Variants in GAPVD1 observed in about 807,000 individuals in gnomAD.
The protein encoded by GAPVD1 is GTPase-activating protein and VPS9 domain-containing protein 1.
Under a neutral mutation model 155.5 loss-of-function variants are expected in GAPVD1, and 35 were observed. That is an observed-to-expected ratio of 0.23 (90% CI 0.17 to 0.30). GAPVD1 has a LOEUF of 0.30. GAPVD1 is among the 10% of genes least tolerant of loss of function. GAPVD1 has a pLI of 1.00. For missense variants in GAPVD1, 1,429 were observed against 1,775.7 expected (o/e 0.80, Z 3.51); for synonymous variants, 636 against 619.7 (o/e 1.03, Z -0.39).
In GAPVD1 at chr9:125,354,810, CAAAGA is replaced by C; in HGVS notation, c.3733_3737del (p.Lys1245AspfsTer15). The C allele has an allele frequency of 6.2e-7, 1 of 1,613,586 alleles. No homozygotes were observed. Among genetic ancestry groups the C allele is most frequent in the Non-Finnish European group, 8.5e-7 (1 of 1,179,552 alleles). ...TCTGTGTGAGATTACTGCTTGAGAG[CAAAGA>C]AAAGAAGATCAGGGAATTCATTCAA... is the stretch of plus-strand genomic sequence containing the variant. On this transcript the variant is annotated frameshift_variant, in exon 24 of 28. Transcript: ENST00000297933. LOFTEE classifies it high-confidence loss of function.
At chr9:125,287,217 T>C (rs891750447) in intron 2 of GAPVD1, among the ~76,000 whole-genome samples, 6 of 151,806 alleles carry the variant, frequency 4.0e-5, no homozygotes, top group African/African-American at 7.3e-5. Context: ...GGGCCAGATA[T>C]AAATATAGAA....
chr9:125,356,004 T>C (rs1850026994), intron 25 of GAPVD1, 147 bp downstream of exon 25: 2 of 622,932 alleles, frequency 3.2e-6, no homozygotes, highest in Non-Finnish European at 2.9e-6. Context: ...CAGAGTTACA[T>C]GATCACAAAG....
chr9:125,354,509 T>C (rs1288170490), intron 23 of GAPVD1, 145 bp from the exon 24 acceptor site: 1 of 550,432 alleles, frequency 1.8e-6, no homozygotes, highest in Admixed American at 3.0e-5. Context: ...ACTTTGTATA[T>C]GTGCTACTGA....
chr9:125,351,627 A>G lies in GAPVD1; in HGVS notation c.3569+755A>G, dbSNP rs540862099. ...AACAAAGGGGCTACAGGCCCCATCC[A>G]AGTCTGAAATCCAGCAGGGCAGTCA... is the stretch of plus-strand genomic sequence containing the variant. On this transcript the variant is annotated intron_variant, in intron 23 of 27. Transcript: ENST00000297933. 4.6e-5 allele frequency among the ~76,000 whole-genome samples: 7 copies of G among 152,358 alleles called. No homozygotes were observed. In the East Asian group the frequency reaches 1.4e-3, roughly 29 times the overall value.
At chr9:125,355,125 T>A (rs1331121276) in intron 24 of GAPVD1, among the ~76,000 whole-genome samples, 3 of 152,208 alleles carry the variant, frequency 2.0e-5, no homozygotes, top group African/African-American at 7.2e-5. Flanking sequence ...ATATTTTTTT[T>A]AGAAACTTTT....
chr9:125,358,743 A>G (rs1315791019), intron 25 of GAPVD1, among the ~76,000 whole-genome samples: 1 of 152,216 alleles, frequency 6.6e-6, no homozygotes, highest in Non-Finnish European at 1.5e-5. Context: ...TCTCCAGAGC[A>G]CTAGTTTTTG....
At position 125,334,271 on chromosome 9, in the gene GAPVD1, A is replaced by T. The variant is rs964311117; in HGVS notation, c.2428+1642A>T. On this transcript the variant is annotated intron_variant, in intron 15 of 27. Transcript: ENST00000297933. ...CACACTGTATTCTTCACTCACAGTT[A>T]AAAAAAAAAAAAAAAAAAAAAGTTT... Among the ~76,000 whole-genome samples the T allele has an allele frequency of 1.3e-4, 15 of 117,406 alleles. No individual in the cohort carries two copies. The East Asian group carries it at 3.6e-3, about 28-fold the overall frequency. 77.0% of individuals were successfully genotyped at this position (117,406 alleles called of 152,430 possible). A position where few individuals can be genotyped will look rare whatever the true frequency, so the allele number is the denominator to read the frequency against.
At chr9:125,285,564 G>C (rs890868373) in intron 2 of GAPVD1, among the ~76,000 whole-genome samples, 2 of 149,014 alleles carry the variant, frequency 1.3e-5, no homozygotes, top group African/African-American at 5.0e-5. Context: ...GGTTCAAGTG[G>C]TTCTCTTGCC....
chr9:125,284,805 G>C lies in GAPVD1; in HGVS notation c.-149-10653G>C, dbSNP rs1213103750. ...TCTGGGCTACAAACCTGTATAGCAT[G>C]TTACTGTACTGAATACTCTAGGCAA... On this transcript the variant is annotated intron_variant, in intron 2 of 27. Coordinates refer to ENST00000297933, the MANE Select transcript of GAPVD1 (RefSeq NM_001282680.3). 2.0e-5 allele frequency among the ~76,000 whole-genome samples: 3 copies of C among 152,182 alleles called. No individual in the cohort carries two copies. In the East Asian group the frequency reaches 5.8e-4, roughly 29 times the overall value.
chr9:125,315,548 G>C (rs1346182533), intron 9 of GAPVD1, among the ~76,000 whole-genome samples: 1 of 152,104 alleles, frequency 6.6e-6, no homozygotes, highest in African/African-American at 2.4e-5. Context: ...TGTCTGGTAG[G>C]TCCTGAAAGA....
At chr9:125,263,439 C>G (rs981071531) in intron 1 of GAPVD1, 19 of 534,758 alleles carry the variant, frequency 3.6e-5, no homozygotes, top group Admixed American at 1.9e-4. Context: ...CAGAGCGAGA[C>G]TCCGTCTCAA....
intron 2 of GAPVD1, among the ~76,000 whole-genome samples, chr9:125,294,871 A>C (rs1415419261): frequency 6.6e-6 from 1 of 152,044 alleles, no homozygotes; most frequent in African/African-American, 2.4e-5. Flanking sequence ...AGCCAAATAA[A>C]GTTCTATAAA....
At position 125,332,492 on chromosome 9, in the gene GAPVD1, T is replaced by TA. The variant is rs1435805280; in HGVS notation, c.2309-17dup. The TA allele has an allele frequency of 2.6e-6, 4 of 1,551,458 alleles. No individual in the cohort carries two copies. The African/African-American group carries it at 5.5e-5, about 22-fold the overall frequency. On this transcript the variant is annotated splice_polypyrimidine_tract_variant and intron_variant, in intron 14 of 27. Coordinates refer to ENST00000297933, the MANE Select transcript of GAPVD1 (RefSeq NM_001282680.3). ...TTTGTTCTTCTTCCTGTTTATTTTT[T>TA]ACTATTGTTTTTTAAAGGCATAAGT...
chr9:125,329,729 A>G (rs955411651), intron 12 of GAPVD1, among the ~76,000 whole-genome samples: 1 of 151,840 alleles, frequency 6.6e-6, no homozygotes, highest in Non-Finnish European at 1.5e-5. Context: ...TTGGAGGGCA[A>G]TGGCATGACC....
At chr9:125,269,710 CTTTTTTTTTT>C (rs951306489) in intron 2 of GAPVD1, among the ~76,000 whole-genome samples, 2 of 52,688 alleles carry the variant, frequency 3.8e-5, no homozygotes, top group South Asian at 6.3e-4. Context: ...CCATGCCTGG[CTTTTTTTTTT>C]TTTTTTTTTT....
chr9:125,274,843 G>C (rs1835505704), intron 2 of GAPVD1, among the ~76,000 whole-genome samples: 1 of 152,164 alleles, frequency 6.6e-6, no homozygotes, highest in Admixed American at 6.6e-5. Flanking sequence ...TGTGTTTGCA[G>C]ATGAAGAAAC....
intron 5 of GAPVD1, among the ~76,000 whole-genome samples, chr9:125,303,500 G>C (rs1257801723): frequency 6.6e-6 from 1 of 151,734 alleles, no homozygotes; most frequent in Non-Finnish European, 1.5e-5. Flanking sequence ...AAATTGGCCG[G>C]GTGCGGTGGC....
At position 125,360,509 on chromosome 9, in the gene GAPVD1, T is replaced by A; in HGVS notation, c.4045-19T>A. On this transcript the variant is annotated intron_variant, in intron 26 of 27. Coordinates refer to ENST00000297933, the MANE Select transcript of GAPVD1 (RefSeq NM_001282680.3). ...GCCACTGGATTCAGAATCTGTATAT[T>A]GTCTATGGTCTCACTTAGGTTTATC... 1 of 1,604,958 alleles carries A rather than the reference T, an allele frequency of 6.2e-7. No homozygotes were observed. Among genetic ancestry groups the A allele is most frequent in the Non-Finnish European group, 8.5e-7 (1 of 1,171,834 alleles).
chr9:125,312,670 G>A (rs1364329307), intron 9 of GAPVD1, 58 bp downstream of exon 9: 3 of 1,275,264 alleles, frequency 2.4e-6, no homozygotes, highest in Middle Eastern at 1.9e-4. Context: ...ACAGGCTGCT[G>A]TAACAAAACA....
Sources: gnomAD v4.1 joint callset for allele counts (sites outside exome capture counted in the v4.1 genomes callset) on GRCh38, gnomAD v4.1.1 for gene constraint, MANE v1.5 for transcripts, NCBI Gene and HGNC (gene_info 2026-07-23, HGNC 2026-07-21) for gene names.